RIN3: variants seen among roughly 807,000 people sequenced by gnomAD.
RIN3 encodes the protein RAB5 interacting protein 3.
RIN3 carries 54 observed loss-of-function variants against 76.3 expected under a neutral mutation model. That is an observed-to-expected ratio of 0.71 (90% CI 0.57 to 0.89). The LOEUF (loss-of-function observed/expected upper bound fraction) is 0.89. Among genes scored for constraint, RIN3 ranks in the 40% least tolerant of loss-of-function variants. The probability of loss-of-function intolerance (pLI) is 0.00; values close to 1 mark genes in which losing one functional copy is unlikely to be tolerated. For missense variants in RIN3, 1,256 were observed against 1,322.1 expected, an observed-to-expected ratio of 0.95 and a Z score of 0.78; for synonymous variants, 576 against 564.0, an observed-to-expected ratio of 1.02 and a Z score of -0.30.
chr14:92,671,352 G>A (rs1266871708), intron 7 of RIN3, among the ~76,000 whole-genome samples: 2 of 152,198 alleles, frequency 1.3e-5, no homozygotes, highest in Non-Finnish European at 2.9e-5. Flanking sequence ...GCAAAGGCCT[G>A]GAGAGGGGAG....
Position 92,643,149 on chromosome 14 carries a change from G to A in RIN3, c.532+1820G>A, listed in dbSNP as rs956861682. 5.9e-5 allele frequency among the ~76,000 whole-genome samples: 9 copies of A among 152,106 alleles called. No homozygotes were observed. The highest frequency in any genetic ancestry group is 1.3e-4 in the Non-Finnish European group (9 of 68,016). On this transcript the variant is annotated intron_variant, in intron 5 of 9. Coordinates refer to ENST00000216487, the MANE Select transcript of RIN3 (RefSeq NM_024832.5). The surrounding 1 kb of genome is among the most constrained non-coding windows in gnomAD (Gnocchi z 4.8). ...GCTCACTGCAACCTCCACCTCCCAG[G>A]TTCAAGCGATTCTTCTGCCTCAGCC... is the stretch of plus-strand genomic sequence containing the variant.
At chr14:92,672,234 C>T (rs771073294) in intron 7 of RIN3, among the ~76,000 whole-genome samples, 7 of 151,818 alleles carry the variant, frequency 4.6e-5, no homozygotes, top group Admixed American at 1.3e-4. Context: ...GGCAAAATCC[C>T]ATCTCTACTA....
intron 3 of RIN3, among the ~76,000 whole-genome samples, chr14:92,610,634 T>C (rs1261949078): frequency 2.0e-5 from 3 of 152,166 alleles, no homozygotes; most frequent in East Asian, 1.9e-4. Context: ...GTGGAATCCC[T>C]GGGAAACAAA....
At chr14:92,653,744 G>A (rs1434978816) in intron 6 of RIN3, among the ~76,000 whole-genome samples, 3 of 152,214 alleles carry the variant, frequency 2.0e-5, no homozygotes, top group Admixed American at 6.5e-5. Context: ...CAGGCCAGGC[G>A]CACTGGCTCA....
intron 3 of RIN3, among the ~76,000 whole-genome samples, chr14:92,577,684 C>G (rs776658556): frequency 6.6e-6 from 1 of 152,150 alleles, no homozygotes; most frequent in African/African-American, 2.4e-5. Context: ...TTCCACTCAC[C>G]CTCGTCGCAG....
intron 4 of RIN3, among the ~76,000 whole-genome samples, chr14:92,629,948 G>A (rs1378459183): frequency 6.6e-6 from 1 of 152,232 alleles, no homozygotes. Flanking sequence ...AGGCCTCCTG[G>A]CCCTTGGTAT....
At chr14:92,636,470 G>A (rs761364261) in intron 4 of RIN3, among the ~76,000 whole-genome samples, 2 of 152,188 alleles carry the variant, frequency 1.3e-5, no homozygotes, top group Non-Finnish European at 2.9e-5. Context: ...TGTAATCCCA[G>A]CTACTTGGGT....
At chr14:92,546,319 A>T (rs757159647) in intron 1 of RIN3, among the ~76,000 whole-genome samples, 28 of 152,188 alleles carry the variant, frequency 1.8e-4, no homozygotes, top group Non-Finnish European at 1.0e-4. Context: ...TCAGAATCAA[A>T]TCGGGGGATT....
intron 5 of RIN3, among the ~76,000 whole-genome samples, chr14:92,642,232 A>T (rs1887042916): frequency 1.3e-5 from 2 of 151,734 alleles, no homozygotes; most frequent in Non-Finnish European, 2.9e-5. Flanking sequence ...CCTCCTGAGT[A>T]GCTGGGACTA....
At position 92,685,452 on chromosome 14, in the gene RIN3, A is replaced by G. The variant is rs1595511656; in HGVS notation, c.2631+302A>G. ...TCCTTAGCCCCTCCTAGGACCCAGC[A>G]CCCTGCAGGGGCTGGAGATGGGGAC... On this transcript the variant is annotated intron_variant, in intron 9 of 9. Transcript: ENST00000216487. This position sits in a 1 kb window ranked among gnomAD's most constrained non-coding sequence, Gnocchi z 4.7. 3.1e-6 allele frequency: 1 copy of G among 319,548 alleles called. No individual in the cohort carries two copies. Among genetic ancestry groups the G allele is most frequent in the Admixed American group, 4.2e-5 (1 of 23,878 alleles). 19.8% of individuals were successfully genotyped at this position (319,548 alleles called of 1,614,324 possible).
chr14:92,616,734 C>T (rs1008710845), intron 4 of RIN3, among the ~76,000 whole-genome samples: 1 of 152,116 alleles, frequency 6.6e-6, no homozygotes, highest in African/African-American at 2.4e-5. Flanking sequence ...ATGGCTGGAA[C>T]CTTTGTTGCT....
chr14:92,663,185 T>C (rs919307471), intron 7 of RIN3, among the ~76,000 whole-genome samples: 1 of 152,166 alleles, frequency 6.6e-6, no homozygotes, highest in Non-Finnish European at 1.5e-5. Context: ...TATATCTACA[T>C]TGTGGAATGA....
Position 92,660,927 on chromosome 14 carries a change from CACGGCTGCCATGGCA to C in RIN3, c.2335+1461_2335+1475del, listed in dbSNP as rs945567809. ...GCAGTGAGCAGACTGTGTACCTGGA[CACGGCTGCCATGGCA>C]ACAGAGAGTGGATGGATAGCCACCT... On this transcript the variant is annotated intron_variant, in intron 7 of 9. Transcript: ENST00000216487. Among the ~76,000 whole-genome samples, 6 of 152,318 alleles carry C rather than the reference CACGGCTGCCATGGCA, an allele frequency of 3.9e-5. No individual in the cohort carries two copies. The South Asian group carries it at 8.3e-4, about 21-fold the overall frequency.
chr14:92,524,794 T>C (rs1370196933), intron 1 of RIN3, among the ~76,000 whole-genome samples: 5 of 152,228 alleles, frequency 3.3e-5, no homozygotes, highest in Admixed American at 2.0e-4. Context: ...TCTCCGGACC[T>C]GTGGGCTGTC....
At chr14:92,651,517 G>A (rs1270877282) in intron 5 of RIN3, 65 bp from the exon 6 acceptor site, 21 of 341,308 alleles carry the variant, frequency 6.2e-5, no homozygotes, top group South Asian at 1.1e-4. Context: ...CACAGACCCC[G>A]CCCAGCACAG....
intron 1 of RIN3, among the ~76,000 whole-genome samples, chr14:92,523,304 G>T (rs1359907289): frequency 6.6e-6 from 1 of 152,114 alleles, no homozygotes; most frequent in Non-Finnish European, 1.5e-5. Flanking sequence ...AGAGACGGGG[G>T]TTTCACCATG....
rs777541300 is a variant in RIN3, at chr14:92,685,012, C to T, written c.2493C>T (p.Tyr831=). Residue 831 remains tyrosine, a synonymous_variant, in exon 9 of 10, where the codon TAC becomes TAT. Coordinates refer to ENST00000216487, the MANE Select transcript of RIN3 (RefSeq NM_024832.5). The surrounding 1 kb of genome is among the most constrained non-coding windows in gnomAD (Gnocchi z 4.7). The part of the protein sequence containing the change: ...GEGSYYLTTT[Y]GALEHIKSYD... ...GTTCCTACTATCTGACCACCACCTACGGGGCCCTGGAGCACATCAAGAGCT... is the reference window on the plus strand; with the variant it reads ...GTTCCTACTATCTGACCACCACCTATGGGGCCCTGGAGCACATCAAGAGCT... 4.3e-6 allele frequency: 7 copies of T among 1,613,534 alleles called. No individual in the cohort carries two copies. The highest frequency in any genetic ancestry group is 1.3e-5 in the African/African-American group (1 of 74,904).
intron 4 of RIN3, among the ~76,000 whole-genome samples, chr14:92,631,316 C>T (rs1886573166): frequency 6.6e-6 from 1 of 152,230 alleles, no homozygotes. Flanking sequence ...GAAGATTCCC[C>T]AGAGCAGGAC....
chr14:92,555,947 G>T lies in RIN3; in HGVS notation c.241G>T (p.Val81Leu), dbSNP rs1897565079. The T allele has an allele frequency of 3.1e-6, 5 of 1,611,802 alleles. No individual in the cohort carries two copies. Among genetic ancestry groups the T allele is most frequent in the South Asian group, 1.1e-5 (1 of 91,020 alleles). ...AEVARILHRV[V>L]AGMFLVRRDS... ...GGTGGCCAGGATCCTGCACCGGGTGGTGGCTGGGGTGAGTGGGGGCGTCTC... is the reference window on the plus strand; with the variant it reads ...GGTGGCCAGGATCCTGCACCGGGTGTTGGCTGGGGTGAGTGGGGGCGTCTC... The change falls in exon 2 of 10, where the codon GTG (valine) becomes TTG (leucine). Residue 81 changes from valine (V) to leucine (L), a missense_variant. Around this residue, in one of 3 missense-constraint regions of RIN3, gnomAD observed 610 missense variants for 626.4 expected, o/e 0.97. Coordinates refer to ENST00000216487, the MANE Select transcript of RIN3 (RefSeq NM_024832.5).
Sources: gnomAD v4.1 joint callset for allele counts (sites outside exome capture counted in the v4.1 genomes callset) on GRCh38, gnomAD v4.1.1 for gene constraint, gnomAD v4.1.1 regional missense constraint, Gnocchi (gnomAD v3.1) non-coding constraint, MANE v1.5 for transcripts, NCBI Gene and HGNC (gene_info 2026-07-23, HGNC 2026-07-21) for gene names.